CDC16: variants seen among roughly 807,000 people sequenced by gnomAD.
The protein encoded by CDC16 is cell division cycle 16.
In CDC16, 34 loss-of-function variants were observed where a neutral mutation model predicts 87.0. That is an observed-to-expected ratio of 0.39 (90% CI 0.30 to 0.52). CDC16 has a LOEUF of 0.52. CDC16 is among the 20% of genes least tolerant of loss of function. CDC16 has a pLI of 0.74. For missense variants in CDC16, 653 were observed against 751.9 expected (o/e 0.87, Z 1.54); for synonymous variants, 263 against 260.6 (o/e 1.01, Z -0.09).
chr13:114,267,979 G>GA (rs957194433), intron 17 of CDC16, among the ~76,000 whole-genome samples: 8 of 152,148 alleles, frequency 5.3e-5, no homozygotes, highest in African/African-American at 1.7e-4. Context: ...CTGAAAACAA[G>GA]AAAAAAACTC....
chr13:114,272,241 C>T lies in CDC16; in HGVS notation c.1661C>T (p.Thr554Ile). The T allele has an allele frequency of 2.5e-6, 4 of 1,607,342 alleles. No individual in the cohort carries two copies. The highest frequency in any genetic ancestry group is 3.4e-6 in the Non-Finnish European group (4 of 1,174,250). The change falls in exon 18 of 18, where the codon ACA becomes ATA. Residue 554 changes from threonine (T) to isoleucine (I), a missense_variant. Thr to Ile is a moderately conservative substitution (Grantham distance 89). Transcript: ENST00000356221. ...GACTTTGATGTGCATACAATGAAGA[C>T]ACTAAAAAACATTATTTCACCTCCG... ...CYDFDVHTMK[T>I]LKNIISPPWD... is the part of the protein sequence containing the mutation.
At position 114,243,297 on chromosome 13, in the gene CDC16, T is replaced by TACA; in HGVS notation, c.583_584insCAA (p.Cys194_Asn195insThr). Reference sequence around the variant, plus strand: ...AATCACTACCCCTTAGCAAGCTGTGTAATGAAGAACAGGAATTGCTGCGTT... The same window carrying TACA: ...AATCACTACCCCTTAGCAAGCTGTGTACAAATGAAGAACAGGAATTGCTGCGTT... On this transcript the variant is annotated inframe_insertion, in exon 7 of 18. Coordinates refer to ENST00000356221, the MANE Select transcript of CDC16 (RefSeq NM_001078645.3). 6.3e-7 allele frequency: 1 copy of TACA among 1,595,106 alleles called. No homozygotes were observed.
At chr13:114,235,740 A>G (rs1162662608) in intron 1 of CDC16, among the ~76,000 whole-genome samples, 1 of 152,228 alleles carries the variant, frequency 6.6e-6, no homozygotes, top group African/African-American at 2.4e-5. Flanking sequence ...AGAAAGGGAA[A>G]GAAAAGCCAT....
At chr13:114,247,624 T>G (rs557514861) in intron 11 of CDC16, among the ~76,000 whole-genome samples, 2 of 152,186 alleles carry the variant, frequency 1.3e-5, no homozygotes, top group Non-Finnish European at 2.9e-5. Flanking sequence ...ACACCTGTTA[T>G]GCCAGCACTT....
At chr13:114,240,534 G>A (rs1566637259) in intron 5 of CDC16, among the ~76,000 whole-genome samples, 1 of 151,994 alleles carries the variant, frequency 6.6e-6, no homozygotes. Context: ...TTTAAAAAAT[G>A]TTTTGTAGAG....
chr13:114,265,352 C>G (rs950458665), intron 17 of CDC16, 112 bp downstream of exon 17: 2 of 719,056 alleles, frequency 2.8e-6, no homozygotes, highest in Admixed American at 2.1e-5. Context: ...TCTTTCTAAC[C>G]ATTCGTGCTG....
At chr13:114,268,004 A>G (rs910819281) in intron 17 of CDC16, among the ~76,000 whole-genome samples, 5 of 152,316 alleles carry the variant, frequency 3.3e-5, no homozygotes, top group Middle Eastern at 3.4e-3. Context: ...CCCTCACCCA[A>G]ACTGGGCAGT....
chr13:114,250,205 T>G (rs1333905954), intron 11 of CDC16, among the ~76,000 whole-genome samples: 1 of 151,526 alleles, frequency 6.6e-6, no homozygotes, highest in Non-Finnish European at 1.5e-5. Flanking sequence ...TAAAAAATAA[T>G]AAATAGGCTG....
intron 13 of CDC16, among the ~76,000 whole-genome samples, chr13:114,258,758 G>C (rs757738535): frequency 6.6e-6 from 1 of 152,128 alleles, no homozygotes; most frequent in East Asian, 1.9e-4. Flanking sequence ...CCTGGCAGCC[G>C]CGGTTCAATA....
Position 114,261,877 on chromosome 13 carries a change from T to C in CDC16, c.1315-10T>C. ...ATATAACTCGTGGGCTTGATGTTGC[T>C]ATGTTTTAGGTAACAGTTGACAAAT... On this transcript the variant is annotated splice_polypyrimidine_tract_variant and intron_variant, in intron 14 of 17. Transcript: ENST00000356221. 2 of 1,590,356 alleles carry C rather than the reference T, an allele frequency of 1.3e-6. No homozygotes were observed. The highest frequency in any genetic ancestry group is 1.7e-6 in the Non-Finnish European group (2 of 1,167,364).
In CDC16 at chr13:114,234,912, G is replaced by C. The variant is rs1483588202; in HGVS notation, c.-173G>C. 2 of 399,422 alleles carry C rather than the reference G, an allele frequency of 5.0e-6. No individual in the cohort carries two copies. The highest frequency in any genetic ancestry group is 4.5e-5 in the Admixed American group (1 of 22,188). The allele number at this position is 399,422 out of a possible 1,614,324, so 24.7% of individuals were successfully genotyped here. On this transcript the variant is annotated 5_prime_UTR_variant, in exon 1 of 18. Transcript: ENST00000356221. Reference sequence around the variant, plus strand: ...GAGCCTGGGCAGTGCACGGGGCCTGGGTGGGGGGTGCGGGTGTGGGTGGGG... The same window carrying C: ...GAGCCTGGGCAGTGCACGGGGCCTGCGTGGGGGGTGCGGGTGTGGGTGGGG...
At chr13:114,241,873 A>G (rs540130244) in intron 5 of CDC16, among the ~76,000 whole-genome samples, 1 of 152,180 alleles carries the variant, frequency 6.6e-6, no homozygotes, top group Non-Finnish European at 1.5e-5. Flanking sequence ...CAACATAGCA[A>G]GATTGTCTGT....
At chr13:114,257,444 A>C (rs1437366557) in intron 13 of CDC16, among the ~76,000 whole-genome samples, 1 of 152,172 alleles carries the variant, frequency 6.6e-6, no homozygotes, top group African/African-American at 2.4e-5. Flanking sequence ...TTTTGATCTG[A>C]GCTACCACTT....
At chr13:114,246,683 A>C (rs1222525814) in intron 10 of CDC16, among the ~76,000 whole-genome samples, 1 of 152,212 alleles carries the variant, frequency 6.6e-6, no homozygotes, top group Non-Finnish European at 1.5e-5. Flanking sequence ...CAGGACTCAC[A>C]GGCTGGTTTT....
chr13:114,268,022 A>C (rs943509049), intron 17 of CDC16, among the ~76,000 whole-genome samples: 16 of 152,226 alleles, frequency 1.1e-4, no homozygotes, highest in African/African-American at 3.4e-4. Flanking sequence ...AGTGGTGGTC[A>C]GGCTTCCACA....
Position 114,257,195 on chromosome 13 carries a change from G to A in CDC16, c.1215G>A (p.Met405Ile). ...LSIAPEDPFVMHEVGVVAFQN... is the reference protein window; with the variant it reads ...LSIAPEDPFVIHEVGVVAFQN... ...TTGCACCGGAAGACCCTTTTGTTAT[G>A]CATGAGGTCGGCGTGGTTGCATTTC... is the stretch of plus-strand genomic sequence containing the variant. Residue 405 changes from methionine to isoleucine, a missense_variant, in exon 13 of 18, where the codon ATG (methionine) becomes ATA (isoleucine). Physicochemically the swap from Met to Ile is conservative, Grantham distance 10. Coordinates refer to ENST00000356221, the MANE Select transcript of CDC16 (RefSeq NM_001078645.3). The A allele has an allele frequency of 1.2e-6, 2 of 1,612,986 alleles. No individual in the cohort carries two copies. The highest frequency in any genetic ancestry group is 1.7e-6 in the Non-Finnish European group (2 of 1,179,184).
intron 10 of CDC16, 75 bp downstream of exon 10, chr13:114,246,124 G>C: frequency 1.5e-6 from 1 of 648,870 alleles, no homozygotes; most frequent in Non-Finnish European, 2.6e-6. Context: ...CTCGTATTTA[G>C]ACAATAGCTT....
intron 17 of CDC16, 58 bp from the exon 18 acceptor site, chr13:114,272,126 T>C: frequency 1.0e-6 from 1 of 982,134 alleles, no homozygotes; most frequent in Non-Finnish European, 1.5e-6. Flanking sequence ...TATATAACAA[T>C]AGAAATGATA....
At position 114,246,060 on chromosome 13, in the gene CDC16, T is replaced by C. The variant is rs777460721; in HGVS notation, c.897+11T>C. 8.5e-6 allele frequency: 11 copies of C among 1,300,146 alleles called. No homozygotes were observed. The highest frequency in any genetic ancestry group is 2.3e-5 in the Admixed American group (1 of 42,568). The allele number at this position is 1,300,146 out of a possible 1,614,324, so 80.5% of individuals were successfully genotyped here. On this transcript the variant is annotated intron_variant, in intron 10 of 17. Coordinates refer to ENST00000356221, the MANE Select transcript of CDC16 (RefSeq NM_001078645.3). ...TATCCTAGTAATCCTGTAAGTAATA[T>C]AACTTTTAGTCTTAGTTTTTTTTTT...
Sources: allele counts gnomAD v4.1 joint callset (sites outside exome capture counted in the v4.1 genomes callset), GRCh38; gene constraint gnomAD v4.1.1; transcripts MANE v1.5; gene names NCBI Gene and HGNC (gene_info 2026-07-23, HGNC 2026-07-21).